Variants in PRIM2 observed in about 807,000 individuals in gnomAD.
PRIM2 encodes the protein DNA primase subunit 2.
Under a neutral mutation model 67.3 loss-of-function variants are expected in PRIM2, and 39 were observed. The ratio of observed to expected loss-of-function variants is 0.58; its 90% CI spans 0.45 to 0.76. PRIM2 has a LOEUF of 0.76. Among genes scored for constraint, PRIM2 ranks in the 30% least tolerant of loss-of-function variants. PRIM2 has a pLI of 0.00. For missense variants in PRIM2, 398 were observed against 598.7 expected, an observed-to-expected ratio of 0.66 and a Z score of 3.50; for synonymous variants, 143 against 198.7, an observed-to-expected ratio of 0.72 and a Z score of 2.36.
intron 7 of PRIM2, among the ~76,000 whole-genome samples, chr6:57,412,378 C>A (rs1771115910): frequency 6.6e-6 from 1 of 152,082 alleles, no homozygotes; most frequent in African/African-American, 2.4e-5. Context: ...CAATTTTCTA[C>A]AATCACATAT....
At position 57,638,576 on chromosome 6, in the gene PRIM2, C is replaced by CAAA. The variant is rs1227220865; in HGVS notation, c.1299+6396_1299+6398dup. On this transcript the variant is annotated intron_variant, in intron 13 of 13. Transcript: ENST00000615550. ...GAATATTTACCAAGCAAACAGAAAG[C>CAAA]AAAAAAAAAAAAAAAAAAAAAAAGC... Among the ~76,000 whole-genome samples the CAAA allele has an allele frequency of 9.0e-3, 289 of 31,998 alleles. 13 individuals carry two copies. The highest frequency in any genetic ancestry group is 0.03 in the African/African-American group (235 of 7,850). The allele number at this position is 31,998 out of a possible 152,430, so 21.0% of individuals were successfully genotyped here.
chr6:57,450,348 C>T lies in PRIM2; in HGVS notation c.694-57039C>T, dbSNP rs1356447621. On this transcript the variant is annotated intron_variant, in intron 7 of 13. Coordinates refer to ENST00000615550, the MANE Select transcript of PRIM2 (RefSeq NM_000947.5). ...GTTTGATATCCACTGGCCAAATTACCATTTGAATTTACTAAAGAATTCATT... is the reference window on the plus strand; with the variant it reads ...GTTTGATATCCACTGGCCAAATTACTATTTGAATTTACTAAAGAATTCATT... Among the ~76,000 whole-genome samples, 17 of 152,150 alleles carry T rather than the reference C, an allele frequency of 1.1e-4. No individual in the cohort carries two copies. The East Asian group carries it at 2.9e-3, about 26-fold the overall frequency.
intron 5 of PRIM2, among the ~76,000 whole-genome samples, chr6:57,347,894 A>G (rs947686340): frequency 3.3e-5 from 5 of 152,232 alleles, no homozygotes; most frequent in Admixed American, 2.0e-4. Flanking sequence ...ATTTCTTCAC[A>G]GCTTAACTAT....
At chr6:57,573,853 G>A (rs1452755857) in intron 10 of PRIM2, among the ~76,000 whole-genome samples, 32 of 152,184 alleles carry the variant, frequency 2.1e-4, no homozygotes, top group African/African-American at 7.0e-4. Context: ...CTAGAGACAA[G>A]TTGTAACGAA....
intron 7 of PRIM2, among the ~76,000 whole-genome samples, chr6:57,401,226 A>G (rs529705951): frequency 1.3e-5 from 2 of 152,224 alleles, no homozygotes; most frequent in East Asian, 3.9e-4. Flanking sequence ...ATCTCTGCAT[A>G]TGGCTGTTAC....
At chr6:57,566,039 C>T (rs1377005587) in intron 10 of PRIM2, among the ~76,000 whole-genome samples, 1 of 151,244 alleles carries the variant, frequency 6.6e-6, no homozygotes, top group African/African-American at 2.4e-5. Context: ...CTCTCCTTTT[C>T]TCTCTCCTTT....
At chr6:57,639,921 G>A (rs1777199529) in intron 13 of PRIM2, among the ~76,000 whole-genome samples, 2 of 151,736 alleles carry the variant, frequency 1.3e-5, no homozygotes, top group African/African-American at 4.8e-5. Context: ...ACCTGGCAGA[G>A]ACACAACAAA....
intron 11 of PRIM2, among the ~76,000 whole-genome samples, chr6:57,604,186 G>T: frequency 6.6e-6 from 1 of 152,178 alleles, no homozygotes; most frequent in African/African-American, 2.4e-5. Flanking sequence ...GCATGGTGGC[G>T]TGCACCTGTA....
rs1767839885 is a variant in PRIM2, at chr6:57,326,050, G to T, written c.459+5G>T. The T allele has an allele frequency of 6.2e-7, 1 of 1,608,696 alleles. No homozygotes were observed. Among genetic ancestry groups the T allele is most frequent in the Non-Finnish European group, 8.5e-7 (1 of 1,178,280 alleles). ...AGCCAATTGCAGTTTGAGGCTGTAA[G>T]TATATTTTTGTAGTTATTTCTAATT... On this transcript the variant is annotated splice_donor_5th_base_variant and intron_variant, in intron 5 of 13. Coordinates refer to ENST00000615550, the MANE Select transcript of PRIM2 (RefSeq NM_000947.5).
intron 7 of PRIM2, among the ~76,000 whole-genome samples, chr6:57,453,617 G>C (rs1424254803): frequency 6.6e-6 from 1 of 152,196 alleles, no homozygotes; most frequent in Admixed American, 6.5e-5. Context: ...GAATGCTTGT[G>C]ATTTTTGCAT....
intron 10 of PRIM2, among the ~76,000 whole-genome samples, chr6:57,544,760 T>C (rs1581981600): frequency 1.3e-5 from 2 of 152,228 alleles, no homozygotes; most frequent in Non-Finnish European, 2.9e-5. Flanking sequence ...GCAGGTATCT[T>C]GTCTTTCTTG....
the PRIM2 span, among the ~76,000 whole-genome samples, chr6:57,257,960 C>G: frequency 2.6e-5 from 4 of 152,200 alleles, no homozygotes; most frequent in Non-Finnish European, 5.9e-5. Context: ...AGCAGCCCTG[C>G]CTTAGTCCTT....
intron 7 of PRIM2, among the ~76,000 whole-genome samples, chr6:57,501,164 A>G (rs1383469970): frequency 1.3e-5 from 2 of 152,232 alleles, no homozygotes; most frequent in East Asian, 3.8e-4. Context: ...TTTTAGCTAT[A>G]TTAAGCAAAT....
intron 9 of PRIM2, among the ~76,000 whole-genome samples, chr6:57,535,970 A>G (rs1774993657): frequency 6.6e-6 from 1 of 152,330 alleles, no homozygotes; most frequent in East Asian, 1.9e-4. Flanking sequence ...ATGGATTAGA[A>G]CAATGTTTAG....
intron 12 of PRIM2, among the ~76,000 whole-genome samples, chr6:57,629,259 A>T (rs1295017249): frequency 1.3e-5 from 2 of 152,196 alleles, no homozygotes; most frequent in Non-Finnish European, 2.9e-5. Context: ...GTGTGCATCT[A>T]AGAAGTCCTA....
chr6:57,295,474 T>C, the PRIM2 span, among the ~76,000 whole-genome samples: 1 of 152,222 alleles, frequency 6.6e-6, no homozygotes, highest in Non-Finnish European at 1.5e-5. Context: ...ATCTCTCTCC[T>C]GTCAAAGGAA....
At chr6:57,283,576 C>T in the PRIM2 span, among the ~76,000 whole-genome samples, 32 of 152,180 alleles carry the variant, frequency 2.1e-4, no homozygotes, top group African/African-American at 6.5e-4. Flanking sequence ...TTTATTAACT[C>T]GGTGGCTTTG....
intron 7 of PRIM2, among the ~76,000 whole-genome samples, chr6:57,429,227 C>A (rs573278093): frequency 2.6e-5 from 4 of 152,152 alleles, no homozygotes; most frequent in African/African-American, 9.7e-5. Flanking sequence ...CAGAATATAA[C>A]AAGGACAAGT....
At chr6:57,252,078 T>C in the PRIM2 span, among the ~76,000 whole-genome samples, 1 of 152,260 alleles carries the variant, frequency 6.6e-6, no homozygotes, top group Non-Finnish European at 1.5e-5. Context: ...ATTTGCCCTT[T>C]GAATTAATCA....
Sources: gnomAD v4.1 joint callset for allele counts (sites outside exome capture counted in the v4.1 genomes callset) on GRCh38, gnomAD v4.1.1 for gene constraint, MANE v1.5 for transcripts, NCBI Gene and HGNC (gene_info 2026-07-23, HGNC 2026-07-21) for gene names.